Variants in CSF2RB observed in about 807,000 individuals in gnomAD.
CSF2RB encodes cytokine receptor common subunit beta.
A neutral mutation model predicts 67.2 loss-of-function variants in CSF2RB; 22 were observed. The ratio of observed to expected loss-of-function variants is 0.33; its 90% CI spans 0.23 to 0.47. CSF2RB has a LOEUF of 0.47. Ranked by LOEUF, CSF2RB falls within the 20% of genes least tolerant of loss-of-function variation. CSF2RB has a pLI of 1.00. For missense variants in CSF2RB, 1,113 were observed against 1,174.5 expected, an observed-to-expected ratio of 0.95 and a Z score of 0.76; for synonymous variants, 507 against 482.9, an observed-to-expected ratio of 1.05 and a Z score of -0.65.
chr22:36,923,153 C>G, intron 2 of CSF2RB, 91 bp from the exon 3 acceptor site: 1 of 1,602,860 alleles, frequency 6.2e-7, no homozygotes, highest in Non-Finnish European at 8.5e-7. Flanking sequence ...AGACCCCTCC[C>G]CAGAGCGGGA....
At position 36,929,666 on chromosome 22, in the gene CSF2RB, T is replaced by A. The variant is rs781118627; in HGVS notation, c.577T>A (p.Ser193Thr). The A allele has an allele frequency of 4.3e-6, 7 of 1,613,926 alleles. No homozygotes were observed. In the African/African-American group the frequency reaches 9.3e-5, roughly 22 times the overall value. The change falls in exon 6 of 14, where the codon TCC becomes ACC. Residue 193 changes from serine to threonine, a missense_variant. Physicochemically the swap from Ser to Thr is moderately conservative, Grantham distance 58. Coordinates refer to ENST00000403662, the MANE Select transcript of CSF2RB (RefSeq NM_000395.3). ...EDAAILLSNT[S>T]QATLGPEHLM... ...CGCAGCCATCCTCCTCTCCAACACC[T>A]CCCAGGCCACCCTGGGGCCAGAGCA...
Position 36,936,983 on chromosome 22 carries a change from C to T in CSF2RB, c.1568+331C>T, listed in dbSNP as rs568162490. ...ACTCCCGGGAACTCGGCGCCTGAGC[C>T]GGCAGCTGACCACCAACTCGGCAGG... On this transcript the variant is annotated intron_variant, in intron 13 of 13. Transcript: ENST00000403662. Among the ~76,000 whole-genome samples the T allele has an allele frequency of 6.6e-5, 10 of 152,190 alleles. No individual in the cohort carries two copies. The South Asian group carries it at 8.3e-4, about 13-fold the overall frequency.
In CSF2RB at chr22:36,937,158, G is replaced by A. The variant is rs1941283817; in HGVS notation, c.1569-219G>A. ...AGGAAGACCTTGAGCTCAGCATGGAGGATGGAGCTCCTGAGCCACGGAAAG... is the reference window on the plus strand; with the variant it reads ...AGGAAGACCTTGAGCTCAGCATGGAAGATGGAGCTCCTGAGCCACGGAAAG... On this transcript the variant is annotated intron_variant, in intron 13 of 13. Transcript: ENST00000403662. The surrounding 1 kb of genome is among the most constrained non-coding windows in gnomAD (Gnocchi z 4.6). Among the ~76,000 whole-genome samples the A allele has an allele frequency of 1.3e-5, 2 of 152,088 alleles. No individual in the cohort carries two copies. Among genetic ancestry groups the A allele is most frequent in the Non-Finnish European group, 2.9e-5 (2 of 67,996 alleles).
intron 8 of CSF2RB, 117 bp downstream of exon 8, chr22:36,930,947 G>C: frequency 7.7e-7 from 1 of 1,299,298 alleles, no homozygotes; most frequent in Non-Finnish European, 1.1e-6. Context: ...CACTTTCAAA[G>C]AGATGCAGTC....
intron 2 of CSF2RB, chr22:36,922,550 G>A (rs1243935316): frequency 1.7e-6 from 1 of 576,494 alleles, no homozygotes; most frequent in East Asian, 2.9e-5. Flanking sequence ...TAGGCTCCAG[G>A]ATGGCTGCTC....
intron 4 of CSF2RB, among the ~76,000 whole-genome samples, chr22:36,927,375 T>C (rs1941039492): frequency 6.6e-6 from 1 of 151,490 alleles, no homozygotes; most frequent in Non-Finnish European, 1.5e-5. Context: ...GGGTGCCTCA[T>C]GCAGGGGGTA....
At chr22:36,931,149 T>C (rs947547562) in intron 8 of CSF2RB, among the ~76,000 whole-genome samples, 1 of 152,242 alleles carries the variant, frequency 6.6e-6, no homozygotes, top group African/African-American at 2.4e-5. Context: ...TCATTCCTCA[T>C]TGGATTTTCC....
Position 36,938,452 on chromosome 22 carries a change from T to A in CSF2RB, c.2644T>A (p.Tyr882Asn). The change falls in exon 14 of 14, where the codon TAC becomes AAC. Residue 882 changes from tyrosine to asparagine, a missense_variant. Tyr to Asn is a moderately radical substitution (Grantham distance 143). This residue lies in a region of CSF2RB where 554 missense variants were observed against 517.9 expected (regional missense o/e 1.07). Coordinates refer to ENST00000403662, the MANE Select transcript of CSF2RB (RefSeq NM_000395.3). The stretch of plus-strand genomic sequence containing the variant: ...CTTCAAAGCCCTGAAGCAGCAGGAC[T>A]ACCTGTCTCTGCCCCCTTGGGAGGT... Reference protein sequence around the residue: ...QLFKALKQQDYLSLPPWEVNK... With the variant: ...QLFKALKQQDNLSLPPWEVNK... The A allele has an allele frequency of 6.2e-7, 1 of 1,614,160 alleles. No individual in the cohort carries two copies. The highest frequency in any genetic ancestry group is 1.1e-5 in the South Asian group (1 of 91,088).
In CSF2RB at chr22:36,927,476, G is replaced by C. The variant is rs1016932849; in HGVS notation, c.391+1299G>C. Among the ~76,000 whole-genome samples, 32 of 150,316 alleles carry C rather than the reference G, an allele frequency of 2.1e-4. 3 individuals are homozygous for C. The highest frequency in any genetic ancestry group is 1.6e-3 in the Admixed American group (25 of 15,170). ...GAAGGGTAGACAGGAGGGGAGGGCA[G>C]TAAGAGCCTCTCTGGCAGGGTAACA... is the stretch of plus-strand genomic sequence containing the variant. On this transcript the variant is annotated intron_variant, in intron 4 of 13. Transcript: ENST00000403662.
chr22:36,921,947 C>A, intron 1 of CSF2RB, 89 bp from the exon 2 acceptor site: 1 of 578,694 alleles, frequency 1.7e-6, no homozygotes, highest in South Asian at 2.1e-5. Context: ...ATGAGGGCCA[C>A]TTCTCTGGGT....
Position 36,923,394 on chromosome 22 carries a change from C to G in CSF2RB, c.200+27C>G, listed in dbSNP as rs116757501. ...TGAGTGATGCTGGGGGCAGGGGCCACGGGCAGGGGCTACGACGTCCCCTGT... is the reference window on the plus strand; with the variant it reads ...TGAGTGATGCTGGGGGCAGGGGCCAGGGGCAGGGGCTACGACGTCCCCTGT... On this transcript the variant is annotated intron_variant, in intron 3 of 13. Coordinates refer to ENST00000403662, the MANE Select transcript of CSF2RB (RefSeq NM_000395.3). 15,959 of 1,610,554 alleles carry G rather than the reference C, an allele frequency of 9.9e-3. 218 individuals carry two copies. The highest frequency in any genetic ancestry group is 0.06 in the Middle Eastern group (362 of 6,058).
In CSF2RB at chr22:36,930,602, G is replaced by A. The variant is rs1165077582; in HGVS notation, c.855-71G>A. On this transcript the variant is annotated intron_variant, in intron 7 of 13. Coordinates refer to ENST00000403662, the MANE Select transcript of CSF2RB (RefSeq NM_000395.3). ...CCCTGGGGCCCCAGCAGAAGCCACA[G>A]CCCACCCTAAGCTCTCCTCCCTCCC... The A allele has an allele frequency of 1.9e-6, 3 of 1,610,876 alleles. No homozygotes were observed. The East Asian group carries it at 6.7e-5, about 36-fold the overall frequency.
At chr22:36,933,711 G>T (rs1389654117) in intron 9 of CSF2RB, 121 bp from the exon 10 acceptor site, 2 of 1,349,942 alleles carry the variant, frequency 1.5e-6, no homozygotes, top group Non-Finnish European at 2.0e-6. Flanking sequence ...GAGAGAAGCC[G>T]CAGCAGGCCT....
chr22:36,925,076 C>T (rs1054254108), intron 3 of CSF2RB, among the ~76,000 whole-genome samples: 1 of 152,246 alleles, frequency 6.6e-6, no homozygotes, highest in Non-Finnish European at 1.5e-5. Context: ...CCCGCTCTCA[C>T]CCGAGCTGCG....
intron 10 of CSF2RB, among the ~76,000 whole-genome samples, chr22:36,934,679 C>T (rs2179051): frequency 0.67 from 102,577 of 152,100 alleles, 35,516 homozygotes; most frequent in East Asian, 0.87. Context: ...CCTTTCACCA[C>T]AGTGACCACC....
At position 36,939,434 on chromosome 22, in the gene CSF2RB, A is replaced by G; in HGVS notation, c.*932A>G. ...GGCCCGGGTGGCCACTCTTCCAGAT[A>G]GACCAGGCAACTCTCCCTCCCACCG... is the stretch of plus-strand genomic sequence containing the variant. On this transcript the variant is annotated 3_prime_UTR_variant, in exon 14 of 14. Transcript: ENST00000403662. The G allele has an allele frequency of 1.7e-6, 1 of 576,858 alleles. No homozygotes were observed. Among genetic ancestry groups the G allele is most frequent in the Non-Finnish European group, 3.1e-6 (1 of 321,164 alleles). The allele number at this position is 576,858 out of a possible 1,614,324, so 35.7% of individuals were successfully genotyped here.
At position 36,925,970 on chromosome 22, in the gene CSF2RB, G is replaced by A. The variant is rs143181453; in HGVS notation, c.201-17G>A. 469 of 1,614,062 alleles carry A rather than the reference G, an allele frequency of 2.9e-4. No individual in the cohort carries two copies. In the African/African-American group the frequency reaches 5.3e-3, roughly 18 times the overall value. On this transcript the variant is annotated splice_polypyrimidine_tract_variant and intron_variant, in intron 3 of 13. Coordinates refer to ENST00000403662, the MANE Select transcript of CSF2RB (RefSeq NM_000395.3). ...ATACCCATACACCCTGGGCTAAGCC[G>A]TGTCCTCTCCCAACAGGGACCTCCT...
chr22:36,923,378 C>T lies in CSF2RB; in HGVS notation c.200+11C>T, dbSNP rs370731851. On this transcript the variant is annotated intron_variant, in intron 3 of 13. Coordinates refer to ENST00000403662, the MANE Select transcript of CSF2RB (RefSeq NM_000395.3). ...TCGCCGGGTGAATGAGTGAGTGATG[C>T]TGGGGGCAGGGGCCACGGGCAGGGG... The T allele has an allele frequency of 1.9e-6, 3 of 1,613,158 alleles. 1 individual carries two copies. In the South Asian group the frequency reaches 3.3e-5, roughly 18 times the overall value.
In CSF2RB at chr22:36,932,852, A is replaced by G; in HGVS notation, c.1100A>G (p.His367Arg). The change falls in exon 9 of 14, where the codon CAC becomes CGC. Residue 367 changes from histidine to arginine, a missense_variant. By Grantham distance (29) the His-to-Arg change is conservative. Transcript: ENST00000403662. ...RWETMKMRYEHIDHTFEIQYR... is the reference protein window; with the variant it reads ...RWETMKMRYERIDHTFEIQYR... ...GAAACAATGAAAATGCGATACGAAC[A>G]CATAGACCACACATTTGAGATCCAG... 3 of 1,614,192 alleles carry G rather than the reference A, an allele frequency of 1.9e-6. No homozygotes were observed. The highest frequency in any genetic ancestry group is 2.5e-6 in the Non-Finnish European group (3 of 1,180,042).
Sources: gnomAD v4.1 joint callset for allele counts (sites outside exome capture counted in the v4.1 genomes callset) on GRCh38, gnomAD v4.1.1 for gene constraint, gnomAD v4.1.1 regional missense constraint, Gnocchi (gnomAD v3.1) non-coding constraint, MANE v1.5 for transcripts, NCBI Gene and HGNC (gene_info 2026-07-23, HGNC 2026-07-21) for gene names.